RICTOR: variants seen among roughly 807,000 people sequenced by gnomAD.
RICTOR encodes RPTOR independent companion of MTOR complex 2.
Under a neutral mutation model 214.9 loss-of-function variants are expected in RICTOR, and 49 were observed. The observed-to-expected ratio is 0.23, with a 90% CI of 0.18 to 0.29. The LOEUF (loss-of-function observed/expected upper bound fraction) is 0.29. RICTOR is among the 10% of genes least tolerant of loss of function. The pLI is 1.00. For missense variants in RICTOR, 1,625 were observed against 2,047.0 expected (o/e 0.79, Z 3.98); for synonymous variants, 717 against 711.3 (o/e 1.01, Z -0.13).
chr5:39,033,855 C>G (rs1239631382), intron 2 of RICTOR, among the ~76,000 whole-genome samples: 2 of 152,138 alleles, frequency 1.3e-5, no homozygotes, highest in African/African-American at 2.4e-5. Context: ...AAACAAATAA[C>G]TATATGTTTT....
chr5:39,003,007 C>G (rs1430180508), intron 4 of RICTOR, among the ~76,000 whole-genome samples: 4 of 152,078 alleles, frequency 2.6e-5, no homozygotes, highest in Admixed American at 2.6e-4. Flanking sequence ...CCATTTGTGT[C>G]TCTACAATCG....
rs2112848674 is a variant in RICTOR at position 38,949,942 on chromosome 5, G to A, written c.3906C>T (p.Ser1302=). 1 of 1,613,482 alleles carries A rather than the reference G, an allele frequency of 6.2e-7. No individual in the cohort carries two copies. The highest frequency in any genetic ancestry group is 8.5e-7 in the Non-Finnish European group (1 of 1,179,640). ...TTGTAGCAATAGAGGGTGCTTTAAG[G>A]GACTGTGCTCTTCTAGGAAGCGTAT... is the stretch of plus-strand genomic sequence containing the variant. ...SSHTLPRRAQ[S]LKAPSIATIK... is the part of the protein sequence containing the mutation. The change falls in exon 31 of 38, where the codon TCC becomes TCT. Residue 1302 remains serine (S), a synonymous_variant. Coordinates refer to ENST00000357387, the MANE Select transcript of RICTOR (RefSeq NM_152756.5).
chr5:38,983,261 C>A (rs1751874265), intron 7 of RICTOR, among the ~76,000 whole-genome samples: 1 of 152,156 alleles, frequency 6.6e-6, no homozygotes, highest in Non-Finnish European at 1.5e-5. Flanking sequence ...TATATATTTT[C>A]TTTTCTACTT....
chr5:38,961,141 C>A (rs570515571), intron 19 of RICTOR, among the ~76,000 whole-genome samples: 56 of 151,516 alleles, frequency 3.7e-4, no homozygotes, highest in Admixed American at 3.0e-3. Context: ...AAACAAAAAA[C>A]CTTCATTTAA....
chr5:38,982,573 C>T lies in RICTOR; in HGVS notation c.584-537G>A, dbSNP rs1455850888. Among the ~76,000 whole-genome samples, 4 of 152,086 alleles carry T rather than the reference C, an allele frequency of 2.6e-5. No individual in the cohort carries two copies. The East Asian group carries it at 7.7e-4, about 29-fold the overall frequency. On this transcript the variant is annotated intron_variant, in intron 7 of 37. Coordinates refer to ENST00000357387, the MANE Select transcript of RICTOR (RefSeq NM_152756.5). ...CTTCGGTTTTCAATCTGTTAGGAAG[C>T]TGAGTTTTGTTAAGATGATAAACTC...
chr5:39,009,769 T>C (rs1754357664), intron 3 of RICTOR, among the ~76,000 whole-genome samples: 1 of 152,152 alleles, frequency 6.6e-6, no homozygotes, highest in Admixed American at 6.5e-5. Context: ...ATATTGGGAA[T>C]AGGAAAGAAG....
chr5:38,944,762 C>T lies in RICTOR; in HGVS notation c.4789+151G>A, dbSNP rs953035852. 4.8e-6 allele frequency: 4 copies of T among 837,856 alleles called. No homozygotes were observed. In the Admixed American group the frequency reaches 1.0e-4, roughly 21 times the overall value. 51.9% of individuals were successfully genotyped at this position (837,856 alleles called of 1,614,324 possible). A position where few individuals can be genotyped will look rare whatever the true frequency, so the allele number is the denominator to read the frequency against. ...TCTATGTCAGTGGGTGATATAGGTG[C>T]AATAATTAACAGTGTTAAATTGCTT... On this transcript the variant is annotated intron_variant, in intron 35 of 37. Transcript: ENST00000357387.
chr5:38,948,965 G>C (rs557575041), intron 31 of RICTOR, among the ~76,000 whole-genome samples: 1 of 151,994 alleles, frequency 6.6e-6, no homozygotes, highest in Non-Finnish European at 1.5e-5. Flanking sequence ...ATGTGCTAAA[G>C]TATTCTAACA....
At chr5:39,022,611 T>A (rs538708243) in intron 2 of RICTOR, 1 of 152,900 alleles carries the variant, frequency 6.5e-6, no homozygotes, top group South Asian at 2.1e-4. Flanking sequence ...CACTATTACC[T>A]GGTAGCTGGG....
chr5:39,064,237 C>CA (rs1401461613), intron 2 of RICTOR, among the ~76,000 whole-genome samples: 9 of 152,098 alleles, frequency 5.9e-5, no homozygotes, highest in South Asian at 4.1e-4. Context: ...GCCACTGTAA[C>CA]AAAAAAACAC....
intron 21 of RICTOR, 85 bp downstream of exon 21, chr5:38,959,694 T>A: frequency 1.1e-6 from 1 of 870,808 alleles, no homozygotes; most frequent in East Asian, 2.5e-5. Flanking sequence ...CAAACACATG[T>A]ACACAGAATA....
intron 14 of RICTOR, 64 bp downstream of exon 14, chr5:38,967,097 G>T: frequency 7.9e-7 from 1 of 1,260,858 alleles, no homozygotes. Context: ...CACCACACCT[G>T]GCATGAAAGA....
intron 2 of RICTOR, among the ~76,000 whole-genome samples, chr5:39,060,189 A>G (rs567499718): frequency 2.6e-5 from 4 of 152,258 alleles, no homozygotes; most frequent in East Asian, 1.9e-4. Context: ...GAACTATGCT[A>G]TGAGGCAATT....
At chr5:39,003,443 A>C (rs1380423220) in intron 4 of RICTOR, 115 bp downstream of exon 4, 12 of 649,198 alleles carry the variant, frequency 1.8e-5, no homozygotes, top group Non-Finnish European at 3.1e-5. Flanking sequence ...TCAAGCAACT[A>C]TTTCTATAAA....
intron 7 of RICTOR, among the ~76,000 whole-genome samples, chr5:38,990,512 C>CACAATATATAT (rs1405185634): frequency 2.2e-5 from 2 of 92,092 alleles, no homozygotes; most frequent in African/African-American, 3.4e-5. Context: ...ACGATATATA[C>CACAATATATAT]ACGATATATA....
chr5:38,950,909 T>C (rs1156554435), intron 30 of RICTOR, among the ~76,000 whole-genome samples, 189 bp from the exon 31 acceptor site: 3 of 151,880 alleles, frequency 2.0e-5, no homozygotes, highest in African/African-American at 7.2e-5. Context: ...TTGAATAAAA[T>C]GTAAAATTAT....
chr5:39,051,399 T>TA (rs1380436409), intron 2 of RICTOR, among the ~76,000 whole-genome samples: 1 of 152,158 alleles, frequency 6.6e-6, no homozygotes, highest in Non-Finnish European at 1.5e-5. Context: ...TAAAAAAAGT[T>TA]AGACTCAGAA....
chr5:38,967,385 A>T lies in RICTOR; in HGVS notation c.1103T>A (p.Phe368Tyr). Residue 368 changes from phenylalanine (F) to tyrosine (Y), a missense_variant, in exon 13 of 38, where the codon TTT becomes TAT. This residue lies in a region of RICTOR where 258 missense variants were observed against 393.7 expected (regional missense o/e 0.66). Coordinates refer to ENST00000357387, the MANE Select transcript of RICTOR (RefSeq NM_152756.5). ...FQDSWRLSDG[F>Y]VAAEAKTILP... ...AATAGTTTTTGCCTCAGCTGCCACA[A>T]AGCCATCTGAAAGCCTCCAACTGTC... 1.2e-6 allele frequency: 2 copies of T among 1,613,962 alleles called. No homozygotes were observed. The highest frequency in any genetic ancestry group is 1.7e-6 in the Non-Finnish European group (2 of 1,179,914).
At chr5:39,043,790 G>A (rs1757319346) in intron 2 of RICTOR, among the ~76,000 whole-genome samples, 1 of 152,018 alleles carries the variant, frequency 6.6e-6, no homozygotes, top group Admixed American at 6.6e-5. Flanking sequence ...CACAGGAGAG[G>A]AACTGGTGGC....
Sources: gnomAD v4.1 joint callset for allele counts (sites outside exome capture counted in the v4.1 genomes callset) on GRCh38, gnomAD v4.1.1 for gene constraint, gnomAD v4.1.1 regional missense constraint, MANE v1.5 for transcripts, NCBI Gene and HGNC (gene_info 2026-07-23, HGNC 2026-07-21) for gene names.